Variants in TCAIM observed in about 807,000 individuals in gnomAD.
TCAIM encodes the protein T-cell activation inhibitor, mitochondrial.
Under a neutral mutation model 58.6 loss-of-function variants are expected in TCAIM, and 36 were observed. That is an observed-to-expected ratio of 0.61 (90% CI 0.47 to 0.81). The LOEUF (loss-of-function observed/expected upper bound fraction) is 0.81, where lower values mean the gene tolerates loss of function less well. TCAIM is among the 30% of genes least tolerant of loss of function. The probability of loss-of-function intolerance (pLI) is 0.00; values close to 1 mark genes in which losing one functional copy is unlikely to be tolerated. For missense variants in TCAIM, 466 were observed against 579.6 expected (o/e 0.80, Z 2.01); for synonymous variants, 172 against 193.6 (o/e 0.89, Z 0.93).
chr3:44,379,111 G>T (rs1701614254), intron 5 of TCAIM, among the ~76,000 whole-genome samples: 1 of 150,740 alleles, frequency 6.6e-6, no homozygotes, highest in Non-Finnish European at 1.5e-5. Flanking sequence ...GGTGGGGTGG[G>T]GTGCATGCAG....
chr3:44,352,835 T>C (rs1296315876), intron 1 of TCAIM, among the ~76,000 whole-genome samples: 1 of 152,148 alleles, frequency 6.6e-6, no homozygotes, highest in Non-Finnish European at 1.5e-5. Flanking sequence ...GTCTTCAGAC[T>C]TCTTGCCTTT....
At chr3:44,393,498 A>G (rs904806103) in intron 6 of TCAIM, among the ~76,000 whole-genome samples, 1 of 152,198 alleles carries the variant, frequency 6.6e-6, no homozygotes, top group Non-Finnish European at 1.5e-5. Flanking sequence ...CTATATATAG[A>G]TAAAGAAGTA....
At chr3:44,392,049 G>T (rs1701846826) in intron 5 of TCAIM, among the ~76,000 whole-genome samples, 1 of 152,126 alleles carries the variant, frequency 6.6e-6, no homozygotes, top group South Asian at 2.1e-4. Flanking sequence ...ACCGAAGGTT[G>T]TAATAAACAC....
rs1404650629 is a variant in TCAIM, at chr3:44,362,838, G to A, written c.319+1320G>A. Reference sequence around the variant, plus strand: ...AAGCAACTGAGATAGATTGTTACTAGTGTAAAACCAAATATTCATAAATAT... The same window carrying A: ...AAGCAACTGAGATAGATTGTTACTAATGTAAAACCAAATATTCATAAATAT... On this transcript the variant is annotated intron_variant, in intron 4 of 10. Transcript: ENST00000342649. The A allele has an allele frequency of 6.4e-5, 10 of 156,878 alleles. No individual in the cohort carries two copies. In the East Asian group the frequency reaches 1.8e-3, roughly 28 times the overall value. 9.7% of individuals were successfully genotyped at this position (156,878 alleles called of 1,614,324 possible). A position where few individuals can be genotyped will look rare whatever the true frequency, so the allele number is the denominator to read the frequency against.
At position 44,361,383 on chromosome 3, in the gene TCAIM, C is replaced by T; in HGVS notation, c.184C>T (p.Leu62Phe). Residue 62 changes from leucine (L) to phenylalanine (F), a missense_variant, in exon 4 of 11, where the codon CTT becomes TTT. By Grantham distance (22) the Leu-to-Phe change is conservative. Transcript: ENST00000342649. ...TTTCCAGGAAATCAATGAAAATTCT[C>T]TTAAAAGGTTAAGTGTCTACCTAGA... is the stretch of plus-strand genomic sequence containing the variant. ...PVEREINENS[L>F]KRLSVYLENL... 1.9e-6 allele frequency: 3 copies of T among 1,596,180 alleles called. No individual in the cohort carries two copies. Among genetic ancestry groups the T allele is most frequent in the Non-Finnish European group, 2.6e-6 (3 of 1,174,786 alleles).
intron 1 of TCAIM, among the ~76,000 whole-genome samples, chr3:44,344,252 C>T (rs1430727242): frequency 1.3e-5 from 2 of 152,014 alleles, no homozygotes; most frequent in Non-Finnish European, 2.9e-5. Context: ...CCATTTTCAC[C>T]TCCCAAAGTG....
chr3:44,388,260 A>G (rs1701776024), intron 5 of TCAIM, among the ~76,000 whole-genome samples: 1 of 152,186 alleles, frequency 6.6e-6, no homozygotes, highest in Non-Finnish European at 1.5e-5. Context: ...TCTGATCGCT[A>G]CCCTTTATTA....
intron 1 of TCAIM, among the ~76,000 whole-genome samples, chr3:44,354,084 AT>A (rs1226405127): frequency 2.0e-5 from 3 of 152,086 alleles, no homozygotes; most frequent in Non-Finnish European, 4.4e-5. Flanking sequence ...TTTTGAGTTA[AT>A]TTTTGTGAAC....
intron 1 of TCAIM, among the ~76,000 whole-genome samples, chr3:44,342,769 A>G (rs1005598454): frequency 2.6e-5 from 4 of 151,768 alleles, no homozygotes; most frequent in Admixed American, 1.3e-4. Flanking sequence ...CAAATCAGTA[A>G]TATGTTGGGG....
At chr3:44,354,340 T>G (rs929817764) in intron 1 of TCAIM, among the ~76,000 whole-genome samples, 2 of 152,234 alleles carry the variant, frequency 1.3e-5, no homozygotes, top group African/African-American at 4.8e-5. Context: ...TGAAATAAAG[T>G]AGTATCACTT....
intron 9 of TCAIM, 38 bp from the exon 10 acceptor site, chr3:44,401,165 G>A (rs376225635): frequency 4.6e-5 from 74 of 1,607,884 alleles, no homozygotes; most frequent in Middle Eastern, 3.3e-4. Flanking sequence ...GAGAGGAGAG[G>A]GTCAGTGGTT....
At position 44,407,754 on chromosome 3, in the gene TCAIM, T is replaced by C; in HGVS notation, c.*72T>C. 1 of 1,407,006 alleles carries C rather than the reference T, an allele frequency of 7.1e-7. No individual in the cohort carries two copies. The highest frequency in any genetic ancestry group is 9.5e-7 in the Non-Finnish European group (1 of 1,054,310). The allele number at this position is 1,407,006 out of a possible 1,614,324, so 87.2% of individuals were successfully genotyped here. ...ATTAAAAATATTTAAATCCACAATTTGATATAACAGTATTATTTACATAAG... is the reference window on the plus strand; with the variant it reads ...ATTAAAAATATTTAAATCCACAATTCGATATAACAGTATTATTTACATAAG... On this transcript the variant is annotated 3_prime_UTR_variant, in exon 11 of 11. Coordinates refer to ENST00000342649, the MANE Select transcript of TCAIM (RefSeq NM_173826.4).
intron 10 of TCAIM, among the ~76,000 whole-genome samples, chr3:44,405,160 G>A (rs1702080747): frequency 6.6e-6 from 1 of 152,116 alleles, no homozygotes. Context: ...CTTCTGTAGG[G>A]TGGTAATAAC....
intron 5 of TCAIM, among the ~76,000 whole-genome samples, chr3:44,372,687 G>A (rs528625988): frequency 1.9e-3 from 295 of 151,466 alleles, no homozygotes; most frequent in Non-Finnish European, 3.2e-3. Flanking sequence ...TCCGCCTCCC[G>A]GGTTCACACC....
In TCAIM at chr3:44,343,136, C is replaced by CA. The variant is rs976058978; in HGVS notation, c.-45+4314dup. On this transcript the variant is annotated intron_variant, in intron 1 of 10. Coordinates refer to ENST00000342649, the MANE Select transcript of TCAIM (RefSeq NM_173826.4). ...CAGGTGACAGAGCGAGACTCTGTCTCAAAAAAAAAAAAGAAGAAATGTTTT... is the reference window on the plus strand; with the variant it reads ...CAGGTGACAGAGCGAGACTCTGTCTCAAAAAAAAAAAAAGAAGAAATGTTTT... 4.0e-3 allele frequency among the ~76,000 whole-genome samples: 537 copies of CA among 133,402 alleles called. 2 individuals are homozygous for CA. The highest frequency in any genetic ancestry group is 0.012 in the African/African-American group (429 of 35,618). 87.5% of individuals were successfully genotyped at this position (133,402 alleles called of 152,430 possible). A position where few individuals can be genotyped will look rare whatever the true frequency, so the allele number is the denominator to read the frequency against.
intron 1 of TCAIM, among the ~76,000 whole-genome samples, chr3:44,346,512 A>G (rs1194880967): frequency 3.3e-5 from 5 of 152,048 alleles, no homozygotes; most frequent in Non-Finnish European, 7.4e-5. Flanking sequence ...TAGGGAAGGG[A>G]GAGGGCCTGA....
intron 5 of TCAIM, among the ~76,000 whole-genome samples, chr3:44,384,224 G>A (rs779605601): frequency 3.0e-4 from 46 of 152,236 alleles, no homozygotes; most frequent in Non-Finnish European, 5.6e-4. Flanking sequence ...AATTCAGGCA[G>A]TAATGATCCT....
rs1212047138 is a variant in TCAIM, at chr3:44,409,280, C to T, written c.*1598C>T. On this transcript the variant is annotated 3_prime_UTR_variant, in exon 11 of 11. Transcript: ENST00000342649. ...TGTTTCCCATAAGATTTTCTAGAGCCAAATAATGGGAGTGAAAAATTCCTT... is the reference window on the plus strand; with the variant it reads ...TGTTTCCCATAAGATTTTCTAGAGCTAAATAATGGGAGTGAAAAATTCCTT... The T allele has an allele frequency of 5.3e-5, 8 of 151,844 alleles. No homozygotes were observed. The highest frequency in any genetic ancestry group is 1.0e-4 in the Non-Finnish European group (7 of 67,970). 9.4% of individuals were successfully genotyped at this position (151,844 alleles called of 1,614,324 possible). A position where few individuals can be genotyped will look rare whatever the true frequency, so the allele number is the denominator to read the frequency against.
chr3:44,346,080 C>T (rs548316055), intron 1 of TCAIM, among the ~76,000 whole-genome samples: 4 of 152,186 alleles, frequency 2.6e-5, no homozygotes, highest in East Asian at 1.9e-4. Flanking sequence ...AGGACAGGCC[C>T]GAATTCTGAG....
Sources: gnomAD v4.1 joint callset for allele counts (sites outside exome capture counted in the v4.1 genomes callset) on GRCh38, gnomAD v4.1.1 for gene constraint, MANE v1.5 for transcripts, NCBI Gene and HGNC (gene_info 2026-07-23, HGNC 2026-07-21) for gene names.